The following SAMTOR variants were observed in gnomAD, a reference collection of about 807,000 sequenced individuals.
The protein encoded by SAMTOR is UPF0532 protein C7orf60.
At chr7:112,839,024 C>T in the SAMTOR span, among the ~76,000 whole-genome samples, 1 of 151,802 alleles carries the variant, frequency 6.6e-6, no homozygotes, top group African/African-American at 2.4e-5. Flanking sequence ...TTTCTAAATA[C>T]CGTTCTCTCA....
chr7:112,867,139 T>A, the SAMTOR span, among the ~76,000 whole-genome samples: 1 of 152,202 alleles, frequency 6.6e-6, no homozygotes, highest in Non-Finnish European at 1.5e-5. Context: ...TAGCAATGGA[T>A]CCTAACCTGA....
At chr7:112,879,312 A>G in the SAMTOR span, among the ~76,000 whole-genome samples, 5 of 151,762 alleles carry the variant, frequency 3.3e-5, no homozygotes, top group Non-Finnish European at 5.9e-5. Context: ...TGCAGCTGCC[A>G]TACGCTGAGT....
chr7:112,925,017 G>C, the SAMTOR span, among the ~76,000 whole-genome samples: 1 of 152,126 alleles, frequency 6.6e-6, no homozygotes. Context: ...ACCACATACC[G>C]AAGTTCATTT....
chr7:112,872,696 C>A, the SAMTOR span, among the ~76,000 whole-genome samples: 2 of 151,844 alleles, frequency 1.3e-5, no homozygotes, highest in African/African-American at 4.8e-5. Flanking sequence ...TATCTCTCTT[C>A]ACTGATGGTA....
At chr7:112,870,243 T>C in the SAMTOR span, among the ~76,000 whole-genome samples, 354 of 152,198 alleles carry the variant, frequency 2.3e-3, 1 homozygote, top group African/African-American at 8.3e-3. Context: ...CCAAGGCACA[T>C]AGTCACTAGA....
At chr7:112,922,859 A>G in the SAMTOR span, among the ~76,000 whole-genome samples, 670 of 109,210 alleles carry the variant, frequency 6.1e-3, 2 homozygotes, top group African/African-American at 0.024. Flanking sequence ...CCGGCCAGCC[A>G]CCCCGTCCGG....
chr7:112,829,862 T>A, the SAMTOR span, among the ~76,000 whole-genome samples: 1 of 152,192 alleles, frequency 6.6e-6, no homozygotes, highest in Non-Finnish European at 1.5e-5. Context: ...ACAATATTAA[T>A]ACTTCTCTGT....
At chr7:112,838,255 G>A in the SAMTOR span, among the ~76,000 whole-genome samples, 1 of 151,730 alleles carries the variant, frequency 6.6e-6, no homozygotes, top group Non-Finnish European at 1.5e-5. Flanking sequence ...CACAGACAGG[G>A]AATTTACAAA....
At chr7:112,823,200 A>G in the SAMTOR span, among the ~76,000 whole-genome samples, 1 of 152,142 alleles carries the variant, frequency 6.6e-6, no homozygotes, top group Non-Finnish European at 1.5e-5. Context: ...GTGATATGCA[A>G]TGTTCTAGTA....
the SAMTOR span, chr7:112,915,299 T>C: frequency 1.3e-6 from 2 of 1,598,448 alleles, no homozygotes; most frequent in Non-Finnish European, 1.7e-6. Flanking sequence ...TTCATAAAAG[T>C]ACTTACCTAC....
chr7:112,860,229 T>C, the SAMTOR span, among the ~76,000 whole-genome samples: 3 of 152,170 alleles, frequency 2.0e-5, no homozygotes, highest in Non-Finnish European at 2.9e-5. Flanking sequence ...CCATCTAGGT[T>C]TGTGAAAGTA....
At chr7:112,895,887 C>T in the SAMTOR span, 4 of 471,136 alleles carry the variant, frequency 8.5e-6, no homozygotes, top group African/African-American at 6.0e-5. Context: ...AATTTGAGCA[C>T]CTTGTAGCAC....
the SAMTOR span, among the ~76,000 whole-genome samples, chr7:112,901,436 C>T: frequency 6.6e-6 from 1 of 152,196 alleles, no homozygotes; most frequent in Non-Finnish European, 1.5e-5. Flanking sequence ...CCAGATGGGA[C>T]TGGCTAATTG....
At chr7:112,873,924 T>C in the SAMTOR span, among the ~76,000 whole-genome samples, 3 of 152,018 alleles carry the variant, frequency 2.0e-5, no homozygotes, top group African/African-American at 7.2e-5. Context: ...ATAGAAGACA[T>C]ACCTGTGGCT....
chr7:112,933,142 G>A, the SAMTOR span, among the ~76,000 whole-genome samples: 1 of 152,186 alleles, frequency 6.6e-6, no homozygotes, highest in African/African-American at 2.4e-5. Context: ...GTTACTTAAG[G>A]AGGGTAGGGA....
At chr7:112,821,743 A>T in the SAMTOR span, 2 of 1,582,918 alleles carry the variant, frequency 1.3e-6, no homozygotes, top group African/African-American at 1.4e-5. Flanking sequence ...TTGCTTCTAT[A>T]TTAACTTAAA....
chr7:112,832,719 G>T, the SAMTOR span: 1 of 1,216,106 alleles, frequency 8.2e-7, no homozygotes, highest in Non-Finnish European at 1.2e-6. Context: ...ATATGAGAAT[G>T]TAAGAAATCA....
At chr7:112,913,124 T>G in the SAMTOR span, among the ~76,000 whole-genome samples, 1 of 152,174 alleles carries the variant, frequency 6.6e-6, no homozygotes, top group African/African-American at 2.4e-5. Context: ...TGTAAAACAG[T>G]CAGATTTATA....
chr7:112,890,920 A>G, the SAMTOR span, among the ~76,000 whole-genome samples: 5 of 152,036 alleles, frequency 3.3e-5, no homozygotes, highest in African/African-American at 1.2e-4. Context: ...GAACTCCTGG[A>G]CTCAAGCAAT....
Sources: gnomAD v4.1 joint callset for allele counts (sites outside exome capture counted in the v4.1 genomes callset) on GRCh38, gnomAD v4.1.1 for gene constraint, MANE v1.5 for transcripts, NCBI Gene and HGNC (gene_info 2026-07-23, HGNC 2026-07-21) for gene names.